CYP26B1: variants seen among roughly 807,000 people sequenced by gnomAD.
CYP26B1 encodes the protein cytochrome P450 26B1.
Under a neutral mutation model 39.1 loss-of-function variants are expected in CYP26B1, and 8 were observed. The observed-to-expected ratio is 0.20, with a 90% CI of 0.12 to 0.37. The LOEUF (loss-of-function observed/expected upper bound fraction) is 0.37, where lower values mean the gene tolerates loss of function less well. Among genes scored for constraint, CYP26B1 ranks in the 10% least tolerant of loss-of-function variants. The probability of loss-of-function intolerance (pLI) is 1.00; values close to 1 mark genes in which losing one functional copy is unlikely to be tolerated. For synonymous variants in CYP26B1, 321 were observed against 314.3 expected, an observed-to-expected ratio of 1.02 and a Z score of -0.23; for missense variants, 615 against 707.0, an observed-to-expected ratio of 0.87 and a Z score of 1.48.
chr2:72,136,307 C>A (rs1676773747), intron 2 of CYP26B1, among the ~76,000 whole-genome samples: 1 of 152,234 alleles, frequency 6.6e-6, no homozygotes. Context: ...CACTCCACCC[C>A]ATGCAAACCA....
chr2:72,130,319 G>A lies in CYP26B1; in HGVS notation c.*1908C>T, dbSNP rs1676527793. 1 of 152,216 alleles carries A rather than the reference G, an allele frequency of 6.6e-6. No homozygotes were observed. The highest frequency in any genetic ancestry group is 6.5e-5 in the Admixed American group (1 of 15,280). 9.4% of individuals were successfully genotyped at this position (152,216 alleles called of 1,614,324 possible). A position where few individuals can be genotyped will look rare whatever the true frequency, so the allele number is the denominator to read the frequency against. On this transcript the variant is annotated 3_prime_UTR_variant, in exon 6 of 6. Coordinates refer to ENST00000001146, the MANE Select transcript of CYP26B1 (RefSeq NM_019885.4). ...CATTCTGGCCTGTTTTTCAGGATTA[G>A]GGATGAGCAATTTTGCCAATAATGT... is the stretch of plus-strand genomic sequence containing the variant.
At chr2:72,141,832 G>T (rs566977606) in intron 2 of CYP26B1, among the ~76,000 whole-genome samples, 11 of 152,282 alleles carry the variant, frequency 7.2e-5, no homozygotes, top group African/African-American at 2.2e-4. Context: ...GATTTGGGGG[G>T]AAGGATCCTT....
rs1676645764 is a variant in CYP26B1, at chr2:72,133,144, G to A, written c.1025C>T (p.Thr342Ile). The A allele has an allele frequency of 6.2e-7, 1 of 1,612,604 alleles. No homozygotes were observed. Among genetic ancestry groups the A allele is most frequent in the East Asian group, 2.2e-5 (1 of 44,858 alleles). ...LHSGGCPCEGTLRLDTLSGLR... is the reference protein window; with the variant it reads ...LHSGGCPCEGILRLDTLSGLR... ...CCCACTGAGCGTGTCCAGGCGCAGT[G>A]TGCCCTCGCAGGGGCAGCCGCCACT... The change falls in exon 5 of 6, where the codon ACA (threonine) becomes ATA (isoleucine). Residue 342 changes from threonine (T) to isoleucine (I), a missense_variant. Physicochemically the swap from Thr to Ile is moderately conservative, Grantham distance 89. Coordinates refer to ENST00000001146, the MANE Select transcript of CYP26B1 (RefSeq NM_019885.4).
rs942414117 is a variant in CYP26B1 at position 72,147,364 on chromosome 2, C to G, written c.204+267G>C. Among the ~76,000 whole-genome samples the G allele has an allele frequency of 4.6e-5, 7 of 152,114 alleles. No individual in the cohort carries two copies. The highest frequency in any genetic ancestry group is 1.0e-4 in the Non-Finnish European group (7 of 68,004). On this transcript the variant is annotated intron_variant, in intron 1 of 5. Coordinates refer to ENST00000001146, the MANE Select transcript of CYP26B1 (RefSeq NM_019885.4). The surrounding 1 kb of genome is among the most constrained non-coding windows in gnomAD (Gnocchi z 6.1). ...CGCCCCCTGCCAGGCCAGCCGCGAC[C>G]CAGGCAAGTCCATCTTGGGAGCCCC...
Position 72,144,548 on chromosome 2 carries a change from C to T in CYP26B1, c.205-335G>A, listed in dbSNP as rs1428629251. 16 of 1,096,920 alleles carry T rather than the reference C, an allele frequency of 1.5e-5. No individual in the cohort carries two copies. The Admixed American group carries it at 2.3e-4, about 16-fold the overall frequency. The allele number at this position is 1,096,920 out of a possible 1,614,324, so 67.9% of individuals were successfully genotyped here. ...CCCACCCCCACCCCCACACCCCCAC[C>T]CCGCGCTCGGGAGCCTCTCGGAATA... On this transcript the variant is annotated intron_variant, in intron 1 of 5. Transcript: ENST00000001146.
rs576363096 is a variant in CYP26B1, at chr2:72,145,094, C to T, written c.205-881G>A. Among the ~76,000 whole-genome samples the T allele has an allele frequency of 2.6e-5, 4 of 152,244 alleles. No homozygotes were observed. The South Asian group carries it at 6.2e-4, about 24-fold the overall frequency. ...CACCCCACGTTAACCCTTCTCCTGC[C>T]GGGGCAGCACCCGGCGCAAAGGGGA... On this transcript the variant is annotated intron_variant, in intron 1 of 5. Coordinates refer to ENST00000001146, the MANE Select transcript of CYP26B1 (RefSeq NM_019885.4).
chr2:72,144,439 C>A, intron 1 of CYP26B1: 1 of 1,335,256 alleles, frequency 7.5e-7, no homozygotes, highest in Non-Finnish European at 9.6e-7. Context: ...CCCAGGGGCA[C>A]CCCCAGGAGG....
In CYP26B1 at chr2:72,147,574, T is replaced by A; in HGVS notation, c.204+57A>T. The A allele has an allele frequency of 6.6e-7, 1 of 1,524,982 alleles. No individual in the cohort carries two copies. Among genetic ancestry groups the A allele is most frequent in the South Asian group, 1.2e-5 (1 of 82,096 alleles). 94.5% of individuals were successfully genotyped at this position (1,524,982 alleles called of 1,614,324 possible). ...CCCCTGGCCGGCCCGCCGCTCCGTC[T>A]GCCCCGCGCTCGCAGCTAGCGGACC... On this transcript the variant is annotated intron_variant, in intron 1 of 5. Coordinates refer to ENST00000001146, the MANE Select transcript of CYP26B1 (RefSeq NM_019885.4). This position sits in a 1 kb window ranked among gnomAD's most constrained non-coding sequence, Gnocchi z 6.1.
At position 72,131,892 on chromosome 2, in the gene CYP26B1, G is replaced by A; in HGVS notation, c.*335C>T. The stretch of plus-strand genomic sequence containing the variant: ...TAAAAGGGTCCGAAAGGAACGGAGG[G>A]AAGGGAGCAGTTCAGAACATCACAA... On this transcript the variant is annotated 3_prime_UTR_variant, in exon 6 of 6. Transcript: ENST00000001146. 2 of 327,524 alleles carry A rather than the reference G, an allele frequency of 6.1e-6. No individual in the cohort carries two copies. The highest frequency in any genetic ancestry group is 8.4e-5 in the South Asian group (2 of 23,810). 20.3% of individuals were successfully genotyped at this position (327,524 alleles called of 1,614,324 possible).
intron 2 of CYP26B1, among the ~76,000 whole-genome samples, chr2:72,142,793 G>A (rs887920130): frequency 6.6e-6 from 1 of 152,338 alleles, no homozygotes; most frequent in South Asian, 2.1e-4. Context: ...CCAGCTAGGA[G>A]TGGGGCAGAT....
chr2:72,131,885 A>C lies in CYP26B1; in HGVS notation c.*342T>G. ...CCCCAGCTAAAAGGGTCCGAAAGGAACGGAGGGAAGGGAGCAGTTCAGAAC... is the reference window on the plus strand; with the variant it reads ...CCCCAGCTAAAAGGGTCCGAAAGGACCGGAGGGAAGGGAGCAGTTCAGAAC... On this transcript the variant is annotated 3_prime_UTR_variant, in exon 6 of 6. Coordinates refer to ENST00000001146, the MANE Select transcript of CYP26B1 (RefSeq NM_019885.4). 6.8e-6 allele frequency: 2 copies of C among 295,936 alleles called. No homozygotes were observed. The highest frequency in any genetic ancestry group is 1.3e-5 in the Non-Finnish European group (2 of 155,818). 18.3% of individuals were successfully genotyped at this position (295,936 alleles called of 1,614,324 possible). A position where few individuals can be genotyped will look rare whatever the true frequency, so the allele number is the denominator to read the frequency against.
At chr2:72,135,916 G>A (rs544279577) in intron 2 of CYP26B1, among the ~76,000 whole-genome samples, 14 of 152,246 alleles carry the variant, frequency 9.2e-5, no homozygotes, top group African/African-American at 3.4e-4. Context: ...GTGTGGCCAG[G>A]TCCAAAAGCA....
At chr2:72,141,435 C>G (rs897087542) in intron 2 of CYP26B1, among the ~76,000 whole-genome samples, 1 of 152,202 alleles carries the variant, frequency 6.6e-6, no homozygotes, top group Non-Finnish European at 1.5e-5. Flanking sequence ...CACATCTGGT[C>G]AGACCTCCCA....
chr2:72,131,872 G>T lies in CYP26B1; in HGVS notation c.*355C>A. On this transcript the variant is annotated 3_prime_UTR_variant, in exon 6 of 6. Coordinates refer to ENST00000001146, the MANE Select transcript of CYP26B1 (RefSeq NM_019885.4). Reference sequence around the variant, plus strand: ...TCCCGTCCCCCAACCCCAGCTAAAAGGGTCCGAAAGGAACGGAGGGAAGGG... The same window carrying T: ...TCCCGTCCCCCAACCCCAGCTAAAATGGTCCGAAAGGAACGGAGGGAAGGG... 3.9e-6 allele frequency: 1 copy of T among 255,368 alleles called. No individual in the cohort carries two copies. The highest frequency in any genetic ancestry group is 6.4e-5 in the South Asian group (1 of 15,650). The allele number at this position is 255,368 out of a possible 1,614,324, so 15.8% of individuals were successfully genotyped here.
In CYP26B1 at chr2:72,134,788, C is replaced by T; in HGVS notation, c.834G>A (p.Gly278=). The T allele has an allele frequency of 6.2e-7, 1 of 1,614,078 alleles. No homozygotes were observed. Among genetic ancestry groups the T allele is most frequent in the Non-Finnish European group, 8.5e-7 (1 of 1,179,962 alleles). ...TCAGCTCCTGCATGGTCATCTCCTT[C>T]CCGTGCTCCTTGCTGCTCTCAATGA... ...DLLIESSKEH[G]KEMTMQELKD... Residue 278 remains glycine, a synonymous_variant, in exon 4 of 6, where the codon GGG becomes GGA. Transcript: ENST00000001146.
At position 72,130,278 on chromosome 2, in the gene CYP26B1, T is replaced by C. The variant is rs1676526708; in HGVS notation, c.*1949A>G. On this transcript the variant is annotated 3_prime_UTR_variant, in exon 6 of 6. Coordinates refer to ENST00000001146, the MANE Select transcript of CYP26B1 (RefSeq NM_019885.4). ...GCACCATGTAGCTATGTTGCAAGCT[T>C]TGACAAGTCTTTACCCATTCTGGCC... 1 of 152,260 alleles carries C rather than the reference T, an allele frequency of 6.6e-6. No homozygotes were observed. Among genetic ancestry groups the C allele is most frequent in the Non-Finnish European group, 1.5e-5 (1 of 68,070 alleles). The allele number at this position is 152,260 out of a possible 1,614,324, so 9.4% of individuals were successfully genotyped here.
chr2:72,136,038 T>C (rs1467512828), intron 2 of CYP26B1, among the ~76,000 whole-genome samples: 1 of 151,810 alleles, frequency 6.6e-6, no homozygotes, highest in Non-Finnish European at 1.5e-5. Context: ...TGAGTCCTGT[T>C]TCCACCTCCT....
chr2:72,135,533 C>T (rs2104053660), intron 2 of CYP26B1, 114 bp from the exon 3 acceptor site: 1 of 1,475,240 alleles, frequency 6.8e-7, no homozygotes, highest in Non-Finnish European at 9.3e-7. Flanking sequence ...TTCCACACAA[C>T]AGCAAAGCCT....
rs151067513 is a variant in CYP26B1 at position 72,133,179 on chromosome 2, G to A, written c.990C>T (p.Gly330=). 228 of 1,612,268 alleles carry A rather than the reference G, an allele frequency of 1.4e-4. No individual in the cohort carries two copies. The highest frequency in any genetic ancestry group is 1.9e-4 in the Non-Finnish European group (223 of 1,179,466). The change falls in exon 5 of 6, where the codon GGC becomes GGT. Residue 330 remains glycine (G), a synonymous_variant. Coordinates refer to ENST00000001146, the MANE Select transcript of CYP26B1 (RefSeq NM_019885.4). Reference sequence around the variant, plus strand: ...AGGGGCAGCCGCCACTGTGCAGGATGCCATGAGCCCGCAGCTCATCCCGCA... The same window carrying A: ...AGGGGCAGCCGCCACTGTGCAGGATACCATGAGCCCGCAGCTCATCCCGCA... ...EKLRDELRAH[G]ILHSGGCPCE... is the part of the protein sequence containing the mutation.
Sources: gnomAD v4.1 joint callset for allele counts (sites outside exome capture counted in the v4.1 genomes callset) on GRCh38, gnomAD v4.1.1 for gene constraint, Gnocchi (gnomAD v3.1) non-coding constraint, MANE v1.5 for transcripts, NCBI Gene and HGNC (gene_info 2026-07-23, HGNC 2026-07-21) for gene names.